The following OSBPL3 variants were observed in gnomAD, a reference collection of about 807,000 sequenced individuals.
OSBPL3 encodes oxysterol binding protein like 3.
OSBPL3 carries 65 observed loss-of-function variants against 120.1 expected under a neutral mutation model. That is an observed-to-expected ratio of 0.54 (90% CI 0.44 to 0.67). The LOEUF is 0.67. Among genes scored for constraint, OSBPL3 ranks in the 30% least tolerant of loss-of-function variants. The pLI, the probability that OSBPL3 is intolerant of heterozygous loss-of-function variation, is 0.00. For synonymous variants in OSBPL3, 416 were observed against 402.6 expected (o/e 1.03, Z -0.40); for missense variants, 1,004 against 1,082.1 (o/e 0.93, Z 1.01).
At chr7:24,825,345 TGAGA>T (rs1562781086) in intron 16 of OSBPL3, among the ~76,000 whole-genome samples, 1 of 152,206 alleles carries the variant, frequency 6.6e-6, no homozygotes, top group Non-Finnish European at 1.5e-5. Context: ...ATGTGAATGA[TGAGA>T]GAAAGAGCTA....
At position 24,849,172 on chromosome 7, in the gene OSBPL3, A is replaced by G; in HGVS notation, c.1163T>C (p.Leu388Pro). The change falls in exon 12 of 23, where the codon CTA becomes CCA. Residue 388 changes from leucine (L) to proline (P), a missense_variant. Physicochemically the swap from Leu to Pro is moderately conservative, Grantham distance 98. Around this residue, in one of 4 missense-constraint regions of OSBPL3, gnomAD observed 272 missense variants for 248.8 expected, o/e 1.09. Coordinates refer to ENST00000313367, the MANE Select transcript of OSBPL3 (RefSeq NM_015550.4). This position sits in a 1 kb window ranked among gnomAD's most constrained non-coding sequence, Gnocchi z 5.4. ...IGLKNALSSA[L>P]AQNTDLKERL... ...TTCTTTAAGATCTGTGTTTTGTGCTAGGGCCTGGAACATGTTAAAATAGTG... is the reference window on the plus strand; with the variant it reads ...TTCTTTAAGATCTGTGTTTTGTGCTGGGGCCTGGAACATGTTAAAATAGTG... 2 of 1,612,480 alleles carry G rather than the reference A, an allele frequency of 1.2e-6. No individual in the cohort carries two copies. The highest frequency in any genetic ancestry group is 1.7e-6 in the Non-Finnish European group (2 of 1,178,592).
intron 12 of OSBPL3, 111 bp from the exon 13 acceptor site, chr7:24,842,524 C>A (rs970924627): frequency 2.5e-6 from 2 of 804,348 alleles, no homozygotes; most frequent in African/African-American, 3.5e-5. Flanking sequence ...TGCAAATAAG[C>A]AACTCAAAGC....
intron 10 of OSBPL3, among the ~76,000 whole-genome samples, chr7:24,861,409 A>G (rs1388165344): frequency 6.6e-6 from 1 of 152,142 alleles, no homozygotes; most frequent in Non-Finnish European, 1.5e-5. Context: ...ACTCTCTCTC[A>G]TTGTCTCCCC....
Position 24,824,598 on chromosome 7 carries a change from T to C in OSBPL3, c.1885-4360A>G, listed in dbSNP as rs73088352. On this transcript the variant is annotated intron_variant, in intron 16 of 22. Transcript: ENST00000313367. This position sits in a 1 kb window ranked among gnomAD's most constrained non-coding sequence, Gnocchi z 4.9. ...GGACCAAGTGGCCATTCTTTCCAGG[T>C]CACTCATCAAGTACTTATTGATTGC... Among the ~76,000 whole-genome samples the C allele has an allele frequency of 0.037, 5,559 of 152,284 alleles. 203 individuals carry two copies. The highest frequency in any genetic ancestry group is 0.1 in the African/African-American group (4,175 of 41,536).
intron 12 of OSBPL3, among the ~76,000 whole-genome samples, chr7:24,847,177 T>C (rs532595572): frequency 4.8e-4 from 73 of 151,604 alleles, no homozygotes; most frequent in Middle Eastern, 3.2e-3. Context: ...CATTTCCCAA[T>C]AGAGTACCAG....
chr7:24,868,934 C>T (rs564909037), intron 5 of OSBPL3, among the ~76,000 whole-genome samples: 48 of 152,180 alleles, frequency 3.2e-4, no homozygotes, highest in South Asian at 4.1e-4. Flanking sequence ...TGTCCAGGGT[C>T]CTGTTCCAGT....
intron 1 of OSBPL3, among the ~76,000 whole-genome samples, chr7:24,903,094 CT>C (rs1301283099): frequency 6.6e-6 from 1 of 152,218 alleles, no homozygotes; most frequent in East Asian, 1.9e-4. Flanking sequence ...TGTTCTGGTA[CT>C]GGTGGTTTTC....
Position 24,916,581 on chromosome 7 carries a change from T to G in OSBPL3, c.-149-23960A>C, listed in dbSNP as rs1809571197. Among the ~76,000 whole-genome samples the G allele has an allele frequency of 6.6e-6, 1 of 152,066 alleles. No individual in the cohort carries two copies. The highest frequency in any genetic ancestry group is 1.5e-5 in the Non-Finnish European group (1 of 68,014). ...TCCCCCAACACTCCCCAACCTCAGA[T>G]TCTGACTCATATACCTCCATCAGTC... is the stretch of plus-strand genomic sequence containing the variant. On this transcript the variant is annotated intron_variant, in intron 1 of 22. Transcript: ENST00000313367. This position sits in a 1 kb window ranked among gnomAD's most constrained non-coding sequence, Gnocchi z 4.9.
In OSBPL3 at chr7:24,862,768, T is replaced by A. The variant is rs114650418; in HGVS notation, c.870+432A>T. ...CAAGGAGAATCTACACCATGTCCTGTGCCCAGAGAATCAGGCCTGTGGGCT... is the reference window on the plus strand; with the variant it reads ...CAAGGAGAATCTACACCATGTCCTGAGCCCAGAGAATCAGGCCTGTGGGCT... On this transcript the variant is annotated intron_variant, in intron 9 of 22. Transcript: ENST00000313367. The surrounding 1 kb of genome is among the most constrained non-coding windows in gnomAD (Gnocchi z 4.4). Among the ~76,000 whole-genome samples, 549 of 152,288 alleles carry A rather than the reference T, an allele frequency of 3.6e-3. 5 individuals carry two copies. The highest frequency in any genetic ancestry group is 0.012 in the African/African-American group (515 of 41,566).
rs143241504 is a variant in OSBPL3 at position 24,916,685 on chromosome 7, G to C, written c.-149-24064C>G. ...TTATGTGCCATGCTCTAAGGTGAAA[G>C]AATCTGCCTAATATCATTCCTCCCG... On this transcript the variant is annotated intron_variant, in intron 1 of 22. Transcript: ENST00000313367. The surrounding 1 kb of genome is among the most constrained non-coding windows in gnomAD (Gnocchi z 4.9). 3.3e-5 allele frequency among the ~76,000 whole-genome samples: 5 copies of C among 152,124 alleles called. No homozygotes were observed. Among genetic ancestry groups the C allele is most frequent in the Non-Finnish European group, 7.4e-5 (5 of 68,002 alleles).
chr7:24,968,000 ACT>A lies in OSBPL3; in HGVS notation c.-150+11884_-150+11885del, dbSNP rs2128530044. Among the ~76,000 whole-genome samples, 1 of 152,154 alleles carries A rather than the reference ACT, an allele frequency of 6.6e-6. No homozygotes were observed. Among genetic ancestry groups the A allele is most frequent in the East Asian group, 1.9e-4 (1 of 5,190 alleles). Reference sequence around the variant, plus strand: ...AATAACACAGTCACATACGCCTGAAACTCTGCAGTTACTTTTTGGTTTGCTTT... The same window carrying A: ...AATAACACAGTCACATACGCCTGAAACTGCAGTTACTTTTTGGTTTGCTTT... On this transcript the variant is annotated intron_variant, in intron 1 of 22. Coordinates refer to ENST00000313367, the MANE Select transcript of OSBPL3 (RefSeq NM_015550.4). This position sits in a 1 kb window ranked among gnomAD's most constrained non-coding sequence, Gnocchi z 5.6.
At chr7:24,836,675 A>G (rs925694852) in intron 14 of OSBPL3, among the ~76,000 whole-genome samples, 1 of 152,044 alleles carries the variant, frequency 6.6e-6, no homozygotes, top group Non-Finnish European at 1.5e-5. Context: ...TTGTTGATAT[A>G]TATTTTATTA....
intron 1 of OSBPL3, among the ~76,000 whole-genome samples, chr7:24,975,567 T>C (rs1310613996): frequency 6.6e-6 from 1 of 152,206 alleles, no homozygotes; most frequent in African/African-American, 2.4e-5. Flanking sequence ...TAGGACACCA[T>C]GTTTAGTGAT....
intron 10 of OSBPL3, among the ~76,000 whole-genome samples, chr7:24,861,030 A>C (rs1192011778): frequency 2.0e-5 from 3 of 152,220 alleles, no homozygotes; most frequent in African/African-American, 7.2e-5. Context: ...ACACCATTTT[A>C]CATAGCTACA....
Position 24,947,626 on chromosome 7 carries a change from T to C in OSBPL3, c.-150+32260A>G, listed in dbSNP as rs1813879099. On this transcript the variant is annotated intron_variant, in intron 1 of 22. Transcript: ENST00000313367. This position sits in a 1 kb window ranked among gnomAD's most constrained non-coding sequence, Gnocchi z 4.4. ...ATATGGGTAAGAAGGAAGCCAAATA[T>C]TGCCAAAAATATCTAGGAATCACTA... Among the ~76,000 whole-genome samples, 1 of 152,196 alleles carries C rather than the reference T, an allele frequency of 6.6e-6. No homozygotes were observed. Among genetic ancestry groups the C allele is most frequent in the Admixed American group, 6.5e-5 (1 of 15,268 alleles).
chr7:24,841,945 G>A (rs560680582), intron 13 of OSBPL3, among the ~76,000 whole-genome samples: 7 of 151,054 alleles, frequency 4.6e-5, no homozygotes, highest in African/African-American at 7.3e-5. Context: ...CCTGGGAGCC[G>A]GAGGTTGCAG....
intron 2 of OSBPL3, among the ~76,000 whole-genome samples, chr7:24,882,415 T>C (rs1803836319): frequency 2.0e-5 from 3 of 152,212 alleles, no homozygotes; most frequent in Non-Finnish European, 4.4e-5. Flanking sequence ...TCCATCCATG[T>C]TGCTGCAAAA....
chr7:24,889,234 T>A (rs922635188), intron 2 of OSBPL3, among the ~76,000 whole-genome samples: 1 of 152,126 alleles, frequency 6.6e-6, no homozygotes, highest in Non-Finnish European at 1.5e-5. Flanking sequence ...TTATGTTAAG[T>A]GAAATAAACC....
At chr7:24,874,112 A>G (rs536096960) in intron 2 of OSBPL3, among the ~76,000 whole-genome samples, 17 of 152,366 alleles carry the variant, frequency 1.1e-4, no homozygotes, top group African/African-American at 4.1e-4. Context: ...TAGTCTTGGA[A>G]TAAGTCTGCA....
Sources: gnomAD v4.1 joint callset for allele counts (sites outside exome capture counted in the v4.1 genomes callset) on GRCh38, gnomAD v4.1.1 for gene constraint, gnomAD v4.1.1 regional missense constraint, Gnocchi (gnomAD v3.1) non-coding constraint, MANE v1.5 for transcripts, NCBI Gene and HGNC (gene_info 2026-07-23, HGNC 2026-07-21) for gene names.